The following GRIP1 variants were observed in gnomAD, a reference collection of about 807,000 sequenced individuals.
GRIP1 encodes glutamate receptor-interacting protein 1.
GRIP1 carries 45 observed loss-of-function variants against 129.9 expected under a neutral mutation model. That is an observed-to-expected ratio of 0.35 (90% CI 0.27 to 0.44). The LOEUF (loss-of-function observed/expected upper bound fraction) is 0.44. Ranked by LOEUF, GRIP1 falls within the 20% of genes least tolerant of loss-of-function variation. The pLI is 1.00. For synonymous variants in GRIP1, 530 were observed against 520.8 expected (o/e 1.02, Z -0.24); for missense variants, 1,196 against 1,396.8 (o/e 0.86, Z 2.29).
intron 1 of GRIP1, among the ~76,000 whole-genome samples, chr12:66,883,801 T>C (rs917019054): frequency 1.3e-5 from 2 of 152,194 alleles, no homozygotes; most frequent in Non-Finnish European, 2.9e-5. Context: ...GGGTTTCAGC[T>C]CTGTTGCTTT....
chr12:66,565,903 C>T (rs2062738944), intron 2 of GRIP1, among the ~76,000 whole-genome samples: 1 of 152,106 alleles, frequency 6.6e-6, no homozygotes, highest in East Asian at 1.9e-4. Flanking sequence ...AATGGGGGTT[C>T]ACTCATGATT....
chr12:66,767,350 A>G (rs1301228717), intron 1 of GRIP1, among the ~76,000 whole-genome samples: 1 of 152,194 alleles, frequency 6.6e-6, no homozygotes. Context: ...CAAAAGAAGC[A>G]TCTAAGGACA....
At chr12:66,698,819 T>A (rs1252190343) in intron 1 of GRIP1, among the ~76,000 whole-genome samples, 2 of 152,176 alleles carry the variant, frequency 1.3e-5, no homozygotes, top group African/African-American at 2.4e-5. Context: ...CTTGGTTATT[T>A]CTTTCTTTGA....
intron 1 of GRIP1, among the ~76,000 whole-genome samples, chr12:66,668,717 T>C (rs577471483): frequency 1.3e-4 from 20 of 151,632 alleles, no homozygotes; most frequent in South Asian, 1.3e-3. Context: ...AGCCCAGGAG[T>C]TGAAGATCAG....
chr12:66,939,066 T>C (rs923819206), intron 1 of GRIP1, among the ~76,000 whole-genome samples: 1 of 152,120 alleles, frequency 6.6e-6, no homozygotes, highest in Non-Finnish European at 1.5e-5. Context: ...GTAGATCAAA[T>C]CACAGGAGAG....
At chr12:66,856,236 G>T (rs1032408267) in intron 1 of GRIP1, among the ~76,000 whole-genome samples, 1 of 152,106 alleles carries the variant, frequency 6.6e-6, no homozygotes, top group African/African-American at 2.4e-5. Flanking sequence ...ATGGATTAAA[G>T]ACTTACATGT....
In GRIP1 at chr12:66,885,958, A is replaced by C. The variant is rs566248451; in HGVS notation, c.58+183092T>G. Among the ~76,000 whole-genome samples the C allele has an allele frequency of 1.2e-4, 19 of 152,326 alleles. No individual in the cohort carries two copies. In the South Asian group the frequency reaches 2.7e-3, roughly 22 times the overall value. On this transcript the variant is annotated intron_variant, in intron 1 of 1. Transcript: ENST00000643019. ...TTAAAAATCCTCCAATACATTATAC[A>C]GTATATCCAAGCTATGAAAAATTTA...
At chr12:66,644,588 G>T (rs2032204196) in intron 1 of GRIP1, among the ~76,000 whole-genome samples, 1 of 152,202 alleles carries the variant, frequency 6.6e-6, no homozygotes, top group Non-Finnish European at 1.5e-5. Flanking sequence ...CACAGATAAT[G>T]TAGATACTCA....
At chr12:66,735,937 G>A (rs1354017455) in intron 1 of GRIP1, among the ~76,000 whole-genome samples, 1 of 152,068 alleles carries the variant, frequency 6.6e-6, no homozygotes, top group Non-Finnish European at 1.5e-5. Context: ...TGGCCCTTGG[G>A]ATATCATGCA....
Position 66,394,315 on chromosome 12 carries a change from C to T in GRIP1, c.2022G>A (p.Val674=). 6.2e-7 allele frequency: 1 copy of T among 1,613,820 alleles called. No homozygotes were observed. The highest frequency in any genetic ancestry group is 8.5e-7 in the Non-Finnish European group (1 of 1,179,742). The change falls in exon 17 of 25, where the codon GTG becomes GTA. Residue 674 remains valine (V), a synonymous_variant. Transcript: ENST00000359742. The stretch of plus-strand genomic sequence containing the variant: ...GGGGCCCCCCGTAGCGTTTAAGCTC[C>T]ACGGTGTAAATAATTGCTCCGGAAC... The part of the protein sequence containing the change: ...QESSGAIIYT[V]ELKRYGGPLG...
At chr12:66,867,457 T>C (rs1429092139) in intron 1 of GRIP1, among the ~76,000 whole-genome samples, 2 of 152,154 alleles carry the variant, frequency 1.3e-5, no homozygotes, top group East Asian at 3.9e-4. Context: ...GGAGTTGTCA[T>C]TAGGCAGGGT....
chr12:66,648,844 T>C (rs1418656981), intron 1 of GRIP1, among the ~76,000 whole-genome samples: 1 of 152,226 alleles, frequency 6.6e-6, no homozygotes, highest in Non-Finnish European at 1.5e-5. Flanking sequence ...GTTGCATGAA[T>C]AACATTGTAA....
chr12:66,930,918 T>C (rs1470601967), intron 1 of GRIP1, among the ~76,000 whole-genome samples: 1 of 152,214 alleles, frequency 6.6e-6, no homozygotes, highest in African/African-American at 2.4e-5. Flanking sequence ...GTGCTGTATC[T>C]ATCTTGGCTC....
chr12:66,664,405 C>T (rs1236758051), intron 1 of GRIP1, among the ~76,000 whole-genome samples: 2 of 152,270 alleles, frequency 1.3e-5, no homozygotes, highest in East Asian at 1.9e-4. Flanking sequence ...ATTAGATAAA[C>T]ATTCATAGTA....
At chr12:66,522,294 T>G (rs568631299) in intron 5 of GRIP1, among the ~76,000 whole-genome samples, 8 of 152,262 alleles carry the variant, frequency 5.3e-5, no homozygotes, top group East Asian at 1.9e-4. Context: ...GTACTCCTCT[T>G]AGACAAAACT....
At position 66,461,966 on chromosome 12, in the gene GRIP1, C is replaced by T. The variant is rs114435386; in HGVS notation, c.1042+958G>A. Among the ~76,000 whole-genome samples the T allele has an allele frequency of 4.6e-5, 7 of 152,104 alleles. No individual in the cohort carries two copies. In the East Asian group the frequency reaches 5.8e-4, roughly 13 times the overall value. On this transcript the variant is annotated intron_variant, in intron 9 of 24. Coordinates refer to ENST00000359742, the MANE Select transcript of GRIP1 (RefSeq NM_001366722.1). ...TAAGGAATAGGGCAGGAGAGGGAGTCGGAACAAATATCCTACTGGAAAACT... is the reference window on the plus strand; with the variant it reads ...TAAGGAATAGGGCAGGAGAGGGAGTTGGAACAAATATCCTACTGGAAAACT...
intron 1 of GRIP1, among the ~76,000 whole-genome samples, chr12:66,634,644 G>A (rs537772317): frequency 6.6e-6 from 1 of 152,152 alleles, no homozygotes; most frequent in South Asian, 2.1e-4. Flanking sequence ...ATCCCAAAGA[G>A]GTTTAACACA....
chr12:66,817,918 G>A (rs1026644673), intron 1 of GRIP1, among the ~76,000 whole-genome samples: 4 of 151,956 alleles, frequency 2.6e-5, no homozygotes, highest in African/African-American at 9.7e-5. Flanking sequence ...TTCTACATTC[G>A]ATCTGTTGCA....
intron 1 of GRIP1, among the ~76,000 whole-genome samples, chr12:66,739,208 T>G (rs1033317953): frequency 6.6e-6 from 1 of 152,162 alleles, no homozygotes; most frequent in African/African-American, 2.4e-5. Flanking sequence ...ACTGAGTACT[T>G]ATGAATATAC....
Sources: gnomAD v4.1 joint callset for allele counts (sites outside exome capture counted in the v4.1 genomes callset) on GRCh38, gnomAD v4.1.1 for gene constraint, MANE v1.5 for transcripts, NCBI Gene and HGNC (gene_info 2026-07-23, HGNC 2026-07-21) for gene names.